The following RRP9 variants were observed in gnomAD, a reference collection of about 807,000 sequenced individuals.
RRP9 encodes the protein ribosomal RNA processing 9, U3 small nucleolar RNA binding protein, also known as U3 small nucleolar RNA-interacting protein 2.
Under a neutral mutation model 65.5 loss-of-function variants are expected in RRP9, and 35 were observed. The ratio of observed to expected loss-of-function variants is 0.53; its 90% CI spans 0.41 to 0.71. RRP9 has a LOEUF of 0.71. Ranked by LOEUF, RRP9 falls within the 30% of genes least tolerant of loss-of-function variation. The probability of loss-of-function intolerance (pLI) is 0.00; values close to 1 mark genes in which losing one functional copy is unlikely to be tolerated. For missense variants in RRP9, 533 were observed against 633.6 expected (o/e 0.84, Z 1.70); for synonymous variants, 254 against 245.0 (o/e 1.04, Z -0.34).
chr3:51,939,804 G>A (rs938085584), intron 2 of RRP9, among the ~76,000 whole-genome samples: 3 of 152,160 alleles, frequency 2.0e-5, no homozygotes, highest in Non-Finnish European at 4.4e-5. Flanking sequence ...AGTGTACAGA[G>A]GTTTACCATT....
chr3:51,936,371 T>A, intron 7 of RRP9, 22 bp from the exon 8 acceptor site: 1 of 1,614,096 alleles, frequency 6.2e-7, no homozygotes, highest in African/African-American at 1.3e-5. Flanking sequence ...AAGACAATGA[T>A]CACAGGCACC....
rs546543549 is a variant in RRP9 at position 51,941,560 on chromosome 3, C to CG, written c.88-70_88-69insC. 7.1e-5 allele frequency: 100 copies of CG among 1,415,354 alleles called. 1 individual carries two copies. In the African/African-American group the frequency reaches 9.9e-4, roughly 14 times the overall value. The allele number at this position is 1,415,354 out of a possible 1,614,324, so 87.7% of individuals were successfully genotyped here. On this transcript the variant is annotated intron_variant, in intron 1 of 14. Transcript: ENST00000232888. ...CCCTGGCATTGACCAAGGGCCCCCC[C>CG]CCCTCGGTTCCCTCAGAACCCCAGG...
rs1412772237 is a variant in RRP9, at chr3:51,934,274, G to C, written c.1260+198C>G. 6.6e-6 allele frequency among the ~76,000 whole-genome samples: 1 copy of C among 152,214 alleles called. No individual in the cohort carries two copies. Among genetic ancestry groups the C allele is most frequent in the Non-Finnish European group, 1.5e-5 (1 of 68,040 alleles). ...ATGCTGCTCCCTGACTTGTACCCCA[G>C]CACCCTGGACAGGGCCTAGGATAGG... is the stretch of plus-strand genomic sequence containing the variant. On this transcript the variant is annotated intron_variant, in intron 13 of 14. Transcript: ENST00000232888. The surrounding 1 kb of genome is among the most constrained non-coding windows in gnomAD (Gnocchi z 4.1).
rs374224427 is a variant in RRP9, at chr3:51,933,800, C to G, written c.1261-19G>C. On this transcript the variant is annotated intron_variant, in intron 13 of 14. Transcript: ENST00000232888. ...AACCCACCTGAGCAGAAAGACAACA[C>G]GGAAAGACATTAGAACGCCCCCCGC... 2 of 1,613,188 alleles carry G rather than the reference C, an allele frequency of 1.2e-6. No individual in the cohort carries two copies. The highest frequency in any genetic ancestry group is 2.2e-5 in the South Asian group (2 of 91,054).
chr3:51,936,693 G>A (rs1014883749), intron 6 of RRP9, 138 bp from the exon 7 acceptor site: 10 of 890,960 alleles, frequency 1.1e-5, no homozygotes, highest in African/African-American at 3.3e-5. Context: ...CAGCCACCGT[G>A]AGCCTCCGGA....
intron 2 of RRP9, among the ~76,000 whole-genome samples, chr3:51,939,710 G>A (rs916848572): frequency 6.6e-6 from 1 of 152,206 alleles, no homozygotes; most frequent in East Asian, 1.9e-4. Flanking sequence ...AGAAACCAAA[G>A]AAATGATTAA....
At chr3:51,933,840 G>T in intron 13 of RRP9, 59 bp from the exon 14 acceptor site, 1 of 1,514,118 alleles carries the variant, frequency 6.6e-7, no homozygotes, top group Non-Finnish European at 9.2e-7. Flanking sequence ...ACCGTCCTCA[G>T]CATCACAGTC....
chr3:51,933,839 A>G lies in RRP9; in HGVS notation c.1261-58T>C, dbSNP rs372144300. ...AACGCCCCCCGCCACCACCGTCCTCAGCATCACAGTCAAGGGCTGGGCCTT... is the reference window on the plus strand; with the variant it reads ...AACGCCCCCCGCCACCACCGTCCTCGGCATCACAGTCAAGGGCTGGGCCTT... On this transcript the variant is annotated intron_variant, in intron 13 of 14. Transcript: ENST00000232888. 140 of 1,518,038 alleles carry G rather than the reference A, an allele frequency of 9.2e-5. 1 individual carries two copies. In the East Asian group the frequency reaches 1.1e-3, roughly 12 times the overall value. The allele number at this position is 1,518,038 out of a possible 1,614,324, so 94.0% of individuals were successfully genotyped here. A position where few individuals can be genotyped will look rare whatever the true frequency, so the allele number is the denominator to read the frequency against.
At chr3:51,941,726 T>C in intron 1 of RRP9, 55 bp downstream of exon 1, 1 of 1,455,916 alleles carries the variant, frequency 6.9e-7, no homozygotes, top group Non-Finnish European at 9.3e-7. Context: ...CTGGATGGGA[T>C]GACGGTTGTC....
In RRP9 at chr3:51,941,818, G is replaced by A. The variant is rs1247653007; in HGVS notation, c.50C>T (p.Ala17Val). ...CTTGCCGGCCCCCGCGCCAGCCCCGGCCCCAGAGGCCGGCTTTCCCCGCTT... is the reference window on the plus strand; with the variant it reads ...CTTGCCGGCCCCCGCGCCAGCCCCGACCCCAGAGGCCGGCTTTCCCCGCTT... ...ARKRGKPASG[A>V]GAGAGAGKRR... is the part of the protein sequence containing the mutation. Residue 17 changes from alanine (A) to valine (V), a missense_variant, in exon 1 of 15, where the codon GCC becomes GTC. By Grantham distance (64) the Ala-to-Val change is moderately conservative (BLOSUM62 0). This residue lies in a region of RRP9 where 77 missense variants were observed against 60.5 expected (regional missense o/e 1.27). Transcript: ENST00000232888. The A allele has an allele frequency of 6.3e-7, 1 of 1,581,018 alleles. No homozygotes were observed.
In RRP9 at chr3:51,934,442, C is replaced by A. The variant is rs762213362; in HGVS notation, c.1260+30G>T. 1.3e-6 allele frequency: 2 copies of A among 1,597,744 alleles called. No individual in the cohort carries two copies. Among genetic ancestry groups the A allele is most frequent in the Non-Finnish European group, 1.7e-6 (2 of 1,170,058 alleles). On this transcript the variant is annotated intron_variant, in intron 13 of 14. Transcript: ENST00000232888. The surrounding 1 kb of genome is among the most constrained non-coding windows in gnomAD (Gnocchi z 4.1). ...AGGGGCCTAGGCAGTGTGGCAGAGACAGGCTGAGCATTCAAGCACACTCAC... is the reference window on the plus strand; with the variant it reads ...AGGGGCCTAGGCAGTGTGGCAGAGAAAGGCTGAGCATTCAAGCACACTCAC...
At position 51,935,406 on chromosome 3, in the gene RRP9, G is replaced by A. The variant is rs138782179; in HGVS notation, c.907C>T (p.Arg303Trp). 1.7e-5 allele frequency: 27 copies of A among 1,613,932 alleles called. No individual in the cohort carries two copies. The highest frequency in any genetic ancestry group is 8.3e-5 in the Admixed American group (5 of 59,988). ...SRECCVTAGG[R>W]DGTVRVWKIP... is the part of the protein sequence containing the mutation. ...TTCCACACACGTACAGTCCCATCCCGGCCCCCAGCCGTCACACAGCACTCC... is the reference window on the plus strand; with the variant it reads ...TTCCACACACGTACAGTCCCATCCCAGCCCCCAGCCGTCACACAGCACTCC... Residue 303 changes from arginine (R) to tryptophan (W), a missense_variant, in exon 10 of 15, where the codon CGG becomes TGG. Coordinates refer to ENST00000232888, the MANE Select transcript of RRP9 (RefSeq NM_004704.5).
In RRP9 at chr3:51,936,414, G is replaced by A; in HGVS notation, c.642+17C>T. On this transcript the variant is annotated intron_variant, in intron 7 of 14. Coordinates refer to ENST00000232888, the MANE Select transcript of RRP9 (RefSeq NM_004704.5). ...CACCAGACCTCCCGCCTGCCCCCAG[G>A]GCCAACCTGGCCTTACAAGGTACTT... The A allele has an allele frequency of 1.2e-6, 2 of 1,614,224 alleles. No homozygotes were observed. The highest frequency in any genetic ancestry group is 1.3e-5 in the African/African-American group (1 of 75,054).
chr3:51,941,684 A>C, intron 1 of RRP9, 97 bp downstream of exon 1: 1 of 1,227,748 alleles, frequency 8.1e-7, no homozygotes, highest in Non-Finnish European at 1.2e-6. Flanking sequence ...GTCCAGGGCG[A>C]AGGGCTGGGG....
At chr3:51,936,096 A>G (rs1699455761) in intron 8 of RRP9, among the ~76,000 whole-genome samples, 161 bp downstream of exon 8, 1 of 151,878 alleles carries the variant, frequency 6.6e-6, no homozygotes, top group Admixed American at 6.6e-5. Flanking sequence ...GCTCCTCCCC[A>G]TCCCTTTAGC....
intron 2 of RRP9, among the ~76,000 whole-genome samples, chr3:51,939,073 C>T (rs1421323782): frequency 6.6e-6 from 1 of 152,226 alleles, no homozygotes; most frequent in Non-Finnish European, 1.5e-5. Context: ...CATGGGCACT[C>T]AGACACAGAG....
chr3:51,933,682 C>A (rs765477429), intron 14 of RRP9, 26 bp downstream of exon 14: 13 of 1,613,574 alleles, frequency 8.1e-6, no homozygotes, highest in Admixed American at 3.3e-5. Context: ...CACCACCTTA[C>A]CTGAACCCTC....
chr3:51,939,743 C>A (rs1279495006), intron 2 of RRP9, among the ~76,000 whole-genome samples: 1 of 152,190 alleles, frequency 6.6e-6, no homozygotes, highest in African/African-American at 2.4e-5. Context: ...ATGACAGTTG[C>A]GGCTTCTAAG....
intron 1 of RRP9, 71 bp from the exon 2 acceptor site, chr3:51,941,562 C>CG (rs1699532907): frequency 5.0e-6 from 7 of 1,401,224 alleles, no homozygotes; most frequent in Non-Finnish European, 6.1e-6. Flanking sequence ...GGCCCCCCCC[C>CG]CTCGGTTCCC....
Sources: gnomAD v4.1 joint callset for allele counts (sites outside exome capture counted in the v4.1 genomes callset) on GRCh38, gnomAD v4.1.1 for gene constraint, gnomAD v4.1.1 regional missense constraint, Gnocchi (gnomAD v3.1) non-coding constraint, MANE v1.5 for transcripts, NCBI Gene and HGNC (gene_info 2026-07-23, HGNC 2026-07-21) for gene names.